PDCD2L: variants seen among roughly 807,000 people sequenced by gnomAD.
The protein encoded by PDCD2L is uS5 assembly chaperone PDCD2L.
Under a neutral mutation model 40.4 loss-of-function variants are expected in PDCD2L, and 44 were observed. The observed-to-expected ratio is 1.09, with a 90% CI of 0.86 to 1.40. The LOEUF (loss-of-function observed/expected upper bound fraction) is 1.40. Ranked by LOEUF, PDCD2L falls within the 40% of genes most tolerant of loss-of-function variation. The pLI is 0.00. For missense variants in PDCD2L, 470 were observed against 453.7 expected, an observed-to-expected ratio of 1.04 and a Z score of -0.33; for synonymous variants, 194 against 174.6, an observed-to-expected ratio of 1.11 and a Z score of -0.88.
chr19:34,411,243 CTTTTTT>C (rs34836648), intron 4 of PDCD2L, among the ~76,000 whole-genome samples: 1 of 99,254 alleles, frequency 1.0e-5, no homozygotes. Context: ...TGGTTATGGC[CTTTTTT>C]TTTTTTTTTT....
At chr19:34,411,983 T>TATATATATAA (rs991877760) in intron 4 of PDCD2L, among the ~76,000 whole-genome samples, 1 of 145,304 alleles carries the variant, frequency 6.9e-6, no homozygotes, top group Non-Finnish European at 1.5e-5. Flanking sequence ...TATATATATA[T>TATATATATAA]AAAATAAATA....
At chr19:34,423,897 G>T (rs1194757316) in intron 6 of PDCD2L, among the ~76,000 whole-genome samples, 1 of 152,076 alleles carries the variant, frequency 6.6e-6, no homozygotes. Context: ...GTTTTATTTT[G>T]ATTCTTTTTG....
At chr19:34,408,278 G>A (rs1415153975) in intron 3 of PDCD2L, among the ~76,000 whole-genome samples, 1 of 152,030 alleles carries the variant, frequency 6.6e-6, no homozygotes, top group African/African-American at 2.4e-5. Flanking sequence ...AGACAGTGGT[G>A]TTTGCCTATA....
intron 6 of PDCD2L, among the ~76,000 whole-genome samples, chr19:34,423,007 C>T (rs1225870012): frequency 6.6e-6 from 1 of 152,148 alleles, no homozygotes; most frequent in African/African-American, 2.4e-5. Flanking sequence ...CGTGAGCTGC[C>T]ACGCCTGGCC....
intron 3 of PDCD2L, among the ~76,000 whole-genome samples, chr19:34,406,701 ATTATT>A (rs2075077680): frequency 2.0e-5 from 3 of 149,174 alleles, no homozygotes; most frequent in Non-Finnish European, 4.5e-5. Flanking sequence ...ACAATACTCT[ATTATT>A]AACTATATTC....
Position 34,404,988 on chromosome 19 carries a change from C to T in PDCD2L, c.334C>T (p.Gln112Ter), listed in dbSNP as rs1190477266. Residue 112 changes from glutamine to a stop codon, truncating the protein, a stop_gained and splice_region_variant, in exon 3 of 7, where the codon CAG becomes TAG. Transcript: ENST00000246535. LOFTEE classifies it high-confidence loss of function. ...GCCAGAGAGAGAGGCGCAGGACGCT[C>T]AGGTAAAGGTTGTGATTGGCATGTT... ...QVPEREAQDA[Q>*]KQGNSLAAED... 6.2e-7 allele frequency: 1 copy of T among 1,614,024 alleles called. No homozygotes were observed. The highest frequency in any genetic ancestry group is 1.1e-5 in the South Asian group (1 of 91,076).
intron 6 of PDCD2L, among the ~76,000 whole-genome samples, chr19:34,422,802 G>A (rs1358748524): frequency 6.6e-6 from 1 of 151,344 alleles, no homozygotes; most frequent in African/African-American, 2.4e-5. Context: ...TGCAAGCTCC[G>A]CCTCCCGGGT....
chr19:34,413,678 C>A, intron 4 of PDCD2L, 59 bp from the exon 5 acceptor site: 4 of 1,044,586 alleles, frequency 3.8e-6, no homozygotes, highest in South Asian at 1.4e-5. Flanking sequence ...TTTTGTCTTG[C>A]AAATGCTGTA....
chr19:34,420,929 G>C (rs1027277617), intron 5 of PDCD2L, among the ~76,000 whole-genome samples: 1 of 152,192 alleles, frequency 6.6e-6, no homozygotes, highest in Non-Finnish European at 1.5e-5. Flanking sequence ...TGTGGGGCAT[G>C]GTTTTGGGAT....
In PDCD2L at chr19:34,404,877, G is replaced by A. The variant is rs2075066346; in HGVS notation, c.276-53G>A. 3.7e-6 allele frequency: 6 copies of A among 1,610,688 alleles called. No individual in the cohort carries two copies. The Admixed American group carries it at 5.0e-5, about 13-fold the overall frequency. On this transcript the variant is annotated intron_variant, in intron 2 of 6. Coordinates refer to ENST00000246535, the MANE Select transcript of PDCD2L (RefSeq NM_032346.2). ...CCTTTCCAGCGGGCTGGGGCGGGCC[G>A]GCGGGCTGGAGTCGGGGTGCAGCCC...
At chr19:34,419,607 G>C (rs1262351850) in intron 5 of PDCD2L, among the ~76,000 whole-genome samples, 1 of 151,176 alleles carries the variant, frequency 6.6e-6, no homozygotes, top group Non-Finnish European at 1.5e-5. Flanking sequence ...TTCTCAAAGT[G>C]CTAGGGTTAT....
Position 34,421,578 on chromosome 19 carries a change from T to C in PDCD2L, c.857T>C (p.Leu286Pro). The change falls in exon 6 of 7, where the codon CTC (leucine) becomes CCC (proline). Residue 286 changes from leucine to proline, a missense_variant. Transcript: ENST00000246535. ...TGCCCTACATCAGAAGTCACCGAGC[T>C]CCCAGCCTGCAGCCAGTGTGGAGGC... is the stretch of plus-strand genomic sequence containing the variant. ...LTCPTSEVTE[L>P]PACSQCGGQR... The C allele has an allele frequency of 6.2e-7, 1 of 1,614,086 alleles. No individual in the cohort carries two copies. The highest frequency in any genetic ancestry group is 8.5e-7 in the Non-Finnish European group (1 of 1,179,998).
intron 6 of PDCD2L, among the ~76,000 whole-genome samples, chr19:34,425,024 G>C (rs774545963): frequency 6.6e-6 from 1 of 152,084 alleles, no homozygotes; most frequent in Non-Finnish European, 1.5e-5. Flanking sequence ...GGGATTACAA[G>C]CATGAGCCAA....
intron 4 of PDCD2L, among the ~76,000 whole-genome samples, chr19:34,410,913 T>C (rs147633214): frequency 0.023 from 3,449 of 151,180 alleles, 58 homozygotes; most frequent in Non-Finnish European, 0.035. Flanking sequence ...GCCTCCCAAG[T>C]AGCTGGGACT....
At chr19:34,424,530 GGGGTT>G (rs1302736236) in intron 6 of PDCD2L, among the ~76,000 whole-genome samples, 1 of 152,050 alleles carries the variant, frequency 6.6e-6, no homozygotes, top group Non-Finnish European at 1.5e-5. Context: ...CCTTTGACTT[GGGGTT>G]TTATACTTCC....
chr19:34,426,063 TC>T lies in PDCD2L; in HGVS notation c.1023del (p.Met342TrpfsTer27). 2 of 1,608,032 alleles carry T rather than the reference TC, an allele frequency of 1.2e-6. No individual in the cohort carries two copies. The highest frequency in any genetic ancestry group is 1.7e-6 in the Non-Finnish European group (2 of 1,174,468). ...GTTGCTGGCCCCCAAATCATCAGAC[TC>T]CCATGGAAGAATTTTGTATTATACA... The part of the protein sequence containing the change: ...KSCWPPNHQT[P>X]MEEFCIIQED... On this transcript the variant is annotated frameshift_variant, in exon 7 of 7. Transcript: ENST00000246535. LOFTEE classifies it high-confidence loss of function.
intron 4 of PDCD2L, among the ~76,000 whole-genome samples, chr19:34,410,423 T>C (rs1220308048): frequency 6.6e-6 from 1 of 152,166 alleles, no homozygotes; most frequent in African/African-American, 2.4e-5. Context: ...AGCTAATTTT[T>C]GTATTTTTAG....
chr19:34,413,189 C>T (rs1394669020), intron 4 of PDCD2L, among the ~76,000 whole-genome samples: 1 of 152,022 alleles, frequency 6.6e-6, no homozygotes, highest in Non-Finnish European at 1.5e-5. Flanking sequence ...CAGGCGCCCG[C>T]CACCACGCCT....
chr19:34,420,117 C>A (rs372987548), intron 5 of PDCD2L, among the ~76,000 whole-genome samples: 18 of 151,820 alleles, frequency 1.2e-4, no homozygotes, highest in East Asian at 1.9e-4. Context: ...CAGCCTCCCC[C>A]ACAGCTGGGA....
Sources: allele counts gnomAD v4.1 joint callset (sites outside exome capture counted in the v4.1 genomes callset), GRCh38; gene constraint gnomAD v4.1.1; transcripts MANE v1.5; gene names NCBI Gene and HGNC (gene_info 2026-07-23, HGNC 2026-07-21).